The following NTN1 variants were observed in gnomAD, a reference collection of about 807,000 sequenced individuals.
The protein encoded by NTN1 is netrin 1.
A neutral mutation model predicts 54.2 loss-of-function variants in NTN1; 11 were observed. The observed-to-expected ratio is 0.20, with a 90% CI of 0.13 to 0.34. The LOEUF is 0.34. Among genes scored for constraint, NTN1 ranks in the 10% least tolerant of loss-of-function variants. The pLI is 1.00. For missense variants in NTN1, 740 were observed against 893.1 expected (o/e 0.83, Z 2.18); for synonymous variants, 371 against 382.0 (o/e 0.97, Z 0.33).
intron 2 of NTN1, among the ~76,000 whole-genome samples, chr17:9,115,476 G>A (rs971697135): frequency 6.6e-6 from 1 of 152,250 alleles, no homozygotes; most frequent in Admixed American, 6.5e-5. Context: ...GGCTGGACCA[G>A]TGTCCTCATC....
chr17:9,022,114 A>G (rs2091851140), intron 1 of NTN1, among the ~76,000 whole-genome samples, 197 bp from the exon 2 acceptor site: 1 of 151,764 alleles, frequency 6.6e-6, no homozygotes, highest in Admixed American at 6.5e-5. Flanking sequence ...CGGGCGGGGA[A>G]GAAGGGGCGC....
intron 5 of NTN1, among the ~76,000 whole-genome samples, chr17:9,196,056 G>A (rs930873044): frequency 6.0e-5 from 9 of 149,378 alleles, no homozygotes; most frequent in African/African-American, 1.5e-4. Flanking sequence ...GCTCAAAATC[G>A]CTGGGGCCTG....
rs1361634726 is a variant in NTN1 at position 9,023,323 on chromosome 17, G to T, written c.950G>T (p.Arg317Leu). 3 of 1,529,514 alleles carry T rather than the reference G, an allele frequency of 2.0e-6. No individual in the cohort carries two copies. The African/African-American group carries it at 4.1e-5, about 21-fold the overall frequency. 94.7% of individuals were successfully genotyped at this position (1,529,514 alleles called of 1,614,324 possible). ...RHNTAGPECD[R>L]CKPFHYDRPW... Reference sequence around the variant, plus strand: ...AACACGGCCGGCCCGGAGTGCGACCGCTGCAAGCCCTTCCACTACGACCGG... The same window carrying T: ...AACACGGCCGGCCCGGAGTGCGACCTCTGCAAGCCCTTCCACTACGACCGG... Residue 317 changes from arginine to leucine, a missense_variant, in exon 2 of 7, where the codon CGC becomes CTC. Coordinates refer to ENST00000173229, the MANE Select transcript of NTN1 (RefSeq NM_004822.3).
chr17:9,193,615 C>T (rs1237680571), intron 5 of NTN1, among the ~76,000 whole-genome samples: 1 of 152,194 alleles, frequency 6.6e-6, no homozygotes, highest in East Asian at 1.9e-4. Flanking sequence ...GTTTTGCTCG[C>T]TGGTTTAATT....
Position 9,182,477 on chromosome 17 carries a change from C to T in NTN1, c.1358-439C>T, listed in dbSNP as rs145767477. ...AAACCTTTCCCTTTGGGCAGGTTCC[C>T]AGCCCCTTGCGTGCTATCCTGCCAT... On this transcript the variant is annotated intron_variant, in intron 4 of 6. Transcript: ENST00000173229. Among the ~76,000 whole-genome samples, 437 of 152,338 alleles carry T rather than the reference C, an allele frequency of 2.9e-3. 7 individuals carry two copies. Among genetic ancestry groups the T allele is most frequent in the African/African-American group, 9.8e-3 (409 of 41,578 alleles).
intron 3 of NTN1, among the ~76,000 whole-genome samples, chr17:9,170,659 C>T (rs2092384922): frequency 6.6e-6 from 1 of 152,172 alleles, no homozygotes; most frequent in African/African-American, 2.4e-5. Context: ...TGGGGGCGGG[C>T]TGTGCACATC....
chr17:9,075,916 G>A (rs1024491832), intron 2 of NTN1, among the ~76,000 whole-genome samples: 7 of 152,258 alleles, frequency 4.6e-5, no homozygotes, highest in Non-Finnish European at 1.0e-4. Flanking sequence ...AGATAGAGCA[G>A]AAGAAAGCAG....
At chr17:9,059,977 C>T (rs768485171) in intron 2 of NTN1, among the ~76,000 whole-genome samples, 22 of 152,104 alleles carry the variant, frequency 1.4e-4, no homozygotes, top group East Asian at 5.8e-4. Context: ...TGGCACCTGT[C>T]GGAAGAAACT....
intron 2 of NTN1, among the ~76,000 whole-genome samples, chr17:9,074,955 A>G (rs1334952964): frequency 6.6e-6 from 1 of 152,240 alleles, no homozygotes; most frequent in African/African-American, 2.4e-5. Flanking sequence ...GTCTTACCCA[A>G]CGGGATGTGT....
intron 2 of NTN1, among the ~76,000 whole-genome samples, chr17:9,079,398 A>G (rs2092062861): frequency 6.6e-6 from 1 of 152,190 alleles, no homozygotes; most frequent in African/African-American, 2.4e-5. Context: ...GTACAATGGG[A>G]TAGGCTGGGG....
intron 2 of NTN1, among the ~76,000 whole-genome samples, chr17:9,154,155 TG>T (rs2092335402): frequency 6.6e-6 from 1 of 152,186 alleles, no homozygotes; most frequent in South Asian, 2.1e-4. Flanking sequence ...AGCCTATGTT[TG>T]GGGGATAGTG....
intron 5 of NTN1, among the ~76,000 whole-genome samples, chr17:9,204,222 T>TCCTTCCTTCC (rs368689218): frequency 6.6e-6 from 1 of 151,464 alleles, no homozygotes; most frequent in South Asian, 2.1e-4. Context: ...CTTCCTTCCT[T>TCCTTCCTTCC]TTCTTTCTCT....
intron 2 of NTN1, among the ~76,000 whole-genome samples, chr17:9,110,718 TG>T (rs1221281505): frequency 6.6e-6 from 1 of 152,190 alleles, no homozygotes; most frequent in Non-Finnish European, 1.5e-5. Context: ...TCAGCAGAGC[TG>T]GTTTGCTCTG....
At chr17:9,013,846 C>A in the NTN1 span, among the ~76,000 whole-genome samples, 1 of 152,144 alleles carries the variant, frequency 6.6e-6, no homozygotes, top group East Asian at 1.9e-4. Context: ...GCCTGTCTTC[C>A]ATCCATGACA....
At chr17:9,196,845 CAG>C (rs1904647024) in intron 5 of NTN1, among the ~76,000 whole-genome samples, 1 of 152,182 alleles carries the variant, frequency 6.6e-6, no homozygotes, top group African/African-American at 2.4e-5. Context: ...ATTATTTGCA[CAG>C]AGAGGCATGT....
At chr17:9,225,585 C>G (rs1047475086) in intron 6 of NTN1, among the ~76,000 whole-genome samples, 7 of 152,194 alleles carry the variant, frequency 4.6e-5, no homozygotes, top group African/African-American at 1.7e-4. Flanking sequence ...CCCTGGCCCC[C>G]CTGAGAAGGT....
chr17:9,039,529 G>T (rs1055235776), intron 2 of NTN1, among the ~76,000 whole-genome samples: 2 of 152,222 alleles, frequency 1.3e-5, no homozygotes, highest in Admixed American at 1.3e-4. Context: ...TAATTGTTCA[G>T]TAAATTGCAC....
chr17:9,149,016 T>G (rs1302638629), intron 2 of NTN1, among the ~76,000 whole-genome samples: 1 of 152,124 alleles, frequency 6.6e-6, no homozygotes, highest in Non-Finnish European at 1.5e-5. Flanking sequence ...CAGAATCAAC[T>G]GCAAGTCATT....
chr17:9,072,291 G>A (rs902046939), intron 2 of NTN1, among the ~76,000 whole-genome samples: 3 of 147,240 alleles, frequency 2.0e-5, no homozygotes, highest in African/African-American at 7.6e-5. Context: ...CCCGTGGACT[G>A]TCTGCCAAGA....
Sources: allele counts gnomAD v4.1 joint callset (sites outside exome capture counted in the v4.1 genomes callset), GRCh38; gene constraint gnomAD v4.1.1; transcripts MANE v1.5; gene names NCBI Gene and HGNC (gene_info 2026-07-23, HGNC 2026-07-21).